CCAR2: variants seen among roughly 807,000 people sequenced by gnomAD.
The protein encoded by CCAR2 is cell cycle and apoptosis regulator 2.
CCAR2 carries 21 observed loss-of-function variants against 108.1 expected under a neutral mutation model. The observed-to-expected ratio is 0.19, with a 90% CI of 0.14 to 0.28. The LOEUF (loss-of-function observed/expected upper bound fraction) is 0.28. Among genes scored for constraint, CCAR2 ranks in the 10% least tolerant of loss-of-function variants. CCAR2 has a pLI of 1.00. For synonymous variants in CCAR2, 577 were observed against 472.8 expected (o/e 1.22, Z -2.86); for missense variants, 1,126 against 1,177.0 (o/e 0.96, Z 0.63).
chr8:22,606,286 C>A, intron 3 of CCAR2, 110 bp downstream of exon 3: 1 of 978,450 alleles, frequency 1.0e-6, no homozygotes, highest in Non-Finnish European at 1.6e-6. Flanking sequence ...GATCCCTCTC[C>A]TGGTAGTGGG....
intron 6 of CCAR2, among the ~76,000 whole-genome samples, chr8:22,607,544 T>G (rs1334077814): frequency 6.6e-6 from 1 of 151,406 alleles, no homozygotes; most frequent in African/African-American, 2.4e-5. Context: ...CTCGGCTCAT[T>G]GCAACCTCTG....
At chr8:22,618,175 C>T (rs1353888889) in intron 16 of CCAR2, 174 bp from the exon 17 acceptor site, 8 of 789,954 alleles carry the variant, frequency 1.0e-5, no homozygotes, top group Middle Eastern at 3.7e-4. Flanking sequence ...ACTGCAGCCT[C>T]GAACTCCTGG....
At position 22,607,401 on chromosome 8, in the gene CCAR2, C is replaced by A; in HGVS notation, c.487+76C>A. The A allele has an allele frequency of 1.9e-6, 3 of 1,557,866 alleles. No homozygotes were observed. In the South Asian group the frequency reaches 3.4e-5, roughly 18 times the overall value. ...ATCAATGGACTTTCAGGTTGCTGCT[C>A]TTAGCATAGAGGTGGGTACTTCTAT... On this transcript the variant is annotated intron_variant, in intron 6 of 20. Coordinates refer to ENST00000308511, the MANE Select transcript of CCAR2 (RefSeq NM_001393997.1).
At chr8:22,617,307 G>C in intron 14 of CCAR2, 113 bp from the exon 15 acceptor site, 1 of 1,223,072 alleles carries the variant, frequency 8.2e-7, no homozygotes, top group East Asian at 2.4e-5. Flanking sequence ...TATCTGTAGA[G>C]CCCTCCATAC....
chr8:22,619,219 T>C lies in CCAR2; in HGVS notation c.2591T>C (p.Leu864Pro). The change falls in exon 20 of 21, where the codon CTG (leucine) becomes CCG (proline). Residue 864 changes from leucine (L) to proline (P), a missense_variant. Leu to Pro is a moderately conservative substitution (Grantham distance 98). Around this residue, in one of 4 missense-constraint regions of CCAR2, gnomAD observed 1,013 missense variants for 993.9 expected, o/e 1.02. Transcript: ENST00000308511. ...ACGCTGGCGGCAGAGATGCAGGAGC[T>C]GCGAGTCCGGCTGGCGGAGGCCGAG... Reference protein sequence around the residue: ...NKTLAAEMQELRVRLAEAEET... With the variant: ...NKTLAAEMQEPRVRLAEAEET... 1 of 1,579,996 alleles carries C rather than the reference T, an allele frequency of 6.3e-7. No individual in the cohort carries two copies. Among genetic ancestry groups the C allele is most frequent in the Non-Finnish European group, 8.6e-7 (1 of 1,163,154 alleles).
chr8:22,618,228 C>A (rs2117465662), intron 16 of CCAR2, 121 bp from the exon 17 acceptor site: 1 of 1,342,318 alleles, frequency 7.4e-7, no homozygotes, highest in East Asian at 2.3e-5. Context: ...GCAGCTGGGA[C>A]TTCAGGCATG....
At chr8:22,611,180 G>C (rs1801260097) in intron 7 of CCAR2, among the ~76,000 whole-genome samples, 1 of 151,792 alleles carries the variant, frequency 6.6e-6, no homozygotes, top group African/African-American at 2.4e-5. Context: ...GGCCAAGATG[G>C]TGAAACCCTG....
rs1250688690 is a variant in CCAR2 at position 22,619,715 on chromosome 8, C to T, written c.*33C>T. Reference sequence around the variant, plus strand: ...GCACGGAACTGCCATCCTGTGAGGGCAGCGGTGGCGCCCGGCAAAGTTGGA... The same window carrying T: ...GCACGGAACTGCCATCCTGTGAGGGTAGCGGTGGCGCCCGGCAAAGTTGGA... On this transcript the variant is annotated 3_prime_UTR_variant, in exon 21 of 21. Coordinates refer to ENST00000308511, the MANE Select transcript of CCAR2 (RefSeq NM_001393997.1). 1.0e-5 allele frequency: 16 copies of T among 1,553,792 alleles called. No homozygotes were observed. The highest frequency in any genetic ancestry group is 1.9e-5 in the Admixed American group (1 of 51,648).
chr8:22,610,945 T>A (rs1801248449), intron 7 of CCAR2, among the ~76,000 whole-genome samples: 1 of 152,240 alleles, frequency 6.6e-6, no homozygotes, highest in Admixed American at 6.5e-5. Flanking sequence ...ATTGTACCCA[T>A]ATCTATTGCA....
chr8:22,615,642 TC>T, intron 12 of CCAR2, 39 bp from the exon 13 acceptor site: 1 of 1,613,636 alleles, frequency 6.2e-7, no homozygotes, highest in Non-Finnish European at 8.5e-7. Context: ...GGTGGCCTAA[TC>T]CCGGGACCCA....
intron 14 of CCAR2, among the ~76,000 whole-genome samples, chr8:22,616,811 C>G (rs1415418161): frequency 7.3e-6 from 1 of 137,456 alleles, no homozygotes; most frequent in Non-Finnish European, 1.5e-5. Context: ...GTAAGACTCT[C>G]TGTCTCAAAA....
intron 7 of CCAR2, among the ~76,000 whole-genome samples, chr8:22,609,135 T>G (rs1013403417): frequency 1.3e-5 from 2 of 151,660 alleles, no homozygotes; most frequent in South Asian, 4.2e-4. Context: ...ATTGCAGCCT[T>G]GATCTCTCTG....
chr8:22,621,350 A>G, downstream of CCAR2: 1 of 1,526,046 alleles, frequency 6.6e-7, no homozygotes, highest in Non-Finnish European at 8.8e-7. Flanking sequence ...TGAGAGGAGC[A>G]GCTAGCCCTG....
intron 11 of CCAR2, 23 bp from the exon 12 acceptor site, chr8:22,615,402 G>A (rs201009166): frequency 5.3e-5 from 86 of 1,608,134 alleles, no homozygotes; most frequent in Non-Finnish European, 1.9e-5. Context: ...AAAGAAGTTA[G>A]TACCTCCTTT....
chr8:22,606,496 T>C, intron 3 of CCAR2, 111 bp from the exon 4 acceptor site: 1 of 832,024 alleles, frequency 1.2e-6, no homozygotes, highest in East Asian at 2.6e-5. Flanking sequence ...GTGCGAACTC[T>C]TGATGCAGTA....
rs1204152429 is a variant in CCAR2 at position 22,607,031 on chromosome 8, A to T, written c.357+7A>T. 1 of 1,613,762 alleles carries T rather than the reference A, an allele frequency of 6.2e-7. No homozygotes were observed. Among genetic ancestry groups the T allele is most frequent in the Admixed American group, 1.7e-5 (1 of 59,980 alleles). ...GCAAACGCTCTCCAACCAGGTATTC[A>T]TATCTCCTTAGCATGTGCATTGGAA... is the stretch of plus-strand genomic sequence containing the variant. On this transcript the variant is annotated splice_region_variant and intron_variant, in intron 5 of 20. Coordinates refer to ENST00000308511, the MANE Select transcript of CCAR2 (RefSeq NM_001393997.1).
At chr8:22,620,808 TGTG>T (rs546837730), downstream of CCAR2, 2 of 152,414 alleles carry the variant, frequency 1.3e-5, no homozygotes, top group South Asian at 4.1e-4. Flanking sequence ...TGTGAATTCT[TGTG>T]GGACAGTTCC....
chr8:22,615,644 C>G, intron 12 of CCAR2, 38 bp from the exon 13 acceptor site: 3 of 1,613,662 alleles, frequency 1.9e-6, no homozygotes, highest in African/African-American at 1.3e-5. Flanking sequence ...TGGCCTAATC[C>G]CGGGACCCAG....
In CCAR2 at chr8:22,619,620, ATCATC is replaced by A; in HGVS notation, c.2728-16_2728-12del. 4.7e-6 allele frequency: 3 copies of A among 642,164 alleles called. No individual in the cohort carries two copies. The highest frequency in any genetic ancestry group is 7.1e-5 in the South Asian group (2 of 28,000). 39.8% of individuals were successfully genotyped at this position (642,164 alleles called of 1,614,324 possible). A position where few individuals can be genotyped will look rare whatever the true frequency, so the allele number is the denominator to read the frequency against. On this transcript the variant is annotated splice_polypyrimidine_tract_variant and intron_variant, in intron 20 of 20. Coordinates refer to ENST00000308511, the MANE Select transcript of CCAR2 (RefSeq NM_001393997.1). ...CCTTGCCAGGCCCGATTCTGGGTAC[ATCATC>A]TGTTTCAAACAGGCTGACAGCTGGG...
Sources: gnomAD v4.1 joint callset for allele counts (sites outside exome capture counted in the v4.1 genomes callset) on GRCh38, gnomAD v4.1.1 for gene constraint, gnomAD v4.1.1 regional missense constraint, MANE v1.5 for transcripts, NCBI Gene and HGNC (gene_info 2026-07-23, HGNC 2026-07-21) for gene names.